CTNND2: variants seen among roughly 807,000 people sequenced by gnomAD.
CTNND2 encodes catenin delta 2.
Under a neutral mutation model 144.4 loss-of-function variants are expected in CTNND2, and 22 were observed. The observed-to-expected ratio is 0.15, with a 90% confidence interval of 0.11 to 0.22. The LOEUF (loss-of-function observed/expected upper bound fraction) is 0.22. CTNND2 is among the 10% of genes least tolerant of loss of function. The probability of loss-of-function intolerance (pLI) is 1.00; values close to 1 mark genes in which losing one functional copy is unlikely to be tolerated. For synonymous variants in CTNND2, 751 were observed against 695.6 expected (o/e 1.08, Z -1.25); for missense variants, 1,353 against 1,618.8 (o/e 0.84, Z 2.82).
intron 9 of CTNND2, among the ~76,000 whole-genome samples, chr5:11,271,602 T>C (rs1454784106): frequency 6.6e-6 from 1 of 152,200 alleles, no homozygotes; most frequent in African/African-American, 2.4e-5. Context: ...GTAATCTCAA[T>C]TGTCAGAATG....
intron 3 of CTNND2, among the ~76,000 whole-genome samples, chr5:11,467,926 T>C (rs938823329): frequency 1.3e-5 from 2 of 152,222 alleles, no homozygotes; most frequent in African/African-American, 4.8e-5. Flanking sequence ...GTTCAAAAAA[T>C]AATAGGATAA....
chr5:11,124,400 G>C (rs1339613478), intron 12 of CTNND2, among the ~76,000 whole-genome samples: 1 of 152,140 alleles, frequency 6.6e-6, no homozygotes, highest in Non-Finnish European at 1.5e-5. Context: ...TACCTGATCT[G>C]AGTAAGTGTG....
At chr5:11,413,106 G>A (rs1038676573) in intron 3 of CTNND2, among the ~76,000 whole-genome samples, 1 of 152,098 alleles carries the variant, frequency 6.6e-6, no homozygotes, top group Non-Finnish European at 1.5e-5. Context: ...TTGCCCCTGA[G>A]TCAATCAATA....
chr5:11,688,953 G>A (rs765651749), intron 2 of CTNND2, among the ~76,000 whole-genome samples: 8 of 152,146 alleles, frequency 5.3e-5, no homozygotes, highest in Non-Finnish European at 1.0e-4. Flanking sequence ...ATGACACAGC[G>A]AGGGCCACAA....
chr5:11,080,141 C>A (rs867818450), intron 16 of CTNND2, among the ~76,000 whole-genome samples: 2 of 151,906 alleles, frequency 1.3e-5, no homozygotes, highest in Non-Finnish European at 1.5e-5. Flanking sequence ...AAACAAATAA[C>A]CTGATTAAAA....
intron 9 of CTNND2, among the ~76,000 whole-genome samples, chr5:11,256,482 T>A (rs1031472595): frequency 6.6e-6 from 1 of 152,212 alleles, no homozygotes; most frequent in Non-Finnish European, 1.5e-5. Context: ...ATGCTAAGTT[T>A]AACTCATCAT....
intron 9 of CTNND2, among the ~76,000 whole-genome samples, chr5:11,253,413 T>C (rs1262527610): frequency 6.6e-6 from 1 of 152,236 alleles, no homozygotes; most frequent in African/African-American, 2.4e-5. Flanking sequence ...AATTGAATCA[T>C]GGGGCTGTTT....
chr5:11,626,139 T>A (rs1446115223), intron 2 of CTNND2, among the ~76,000 whole-genome samples: 1 of 152,124 alleles, frequency 6.6e-6, no homozygotes, highest in Admixed American at 6.6e-5. Context: ...ATGCCAGAAC[T>A]CATTTGGTCA....
At chr5:11,549,898 A>G (rs1775613917) in intron 3 of CTNND2, among the ~76,000 whole-genome samples, 1 of 152,228 alleles carries the variant, frequency 6.6e-6, no homozygotes. Flanking sequence ...TCTTTAGCTA[A>G]CTGAAGACAT....
At chr5:11,634,463 T>C (rs1274426660) in intron 2 of CTNND2, among the ~76,000 whole-genome samples, 1 of 152,158 alleles carries the variant, frequency 6.6e-6, no homozygotes, top group Non-Finnish European at 1.5e-5. Flanking sequence ...CTCAATCCCG[T>C]GCACGATTTC....
chr5:11,848,295 A>G (rs1210219422), intron 1 of CTNND2, among the ~76,000 whole-genome samples: 1 of 152,206 alleles, frequency 6.6e-6, no homozygotes, highest in Non-Finnish European at 1.5e-5. Context: ...TATTTTTATT[A>G]TAGTTAGGCA....
chr5:11,569,291 A>G (rs970417830), intron 2 of CTNND2, among the ~76,000 whole-genome samples: 2 of 152,312 alleles, frequency 1.3e-5, no homozygotes, highest in African/African-American at 4.8e-5. Context: ...CTATGTGGAA[A>G]TCAACTTATG....
intron 2 of CTNND2, among the ~76,000 whole-genome samples, chr5:11,649,560 C>T (rs2727620): frequency 0.35 from 53,491 of 151,950 alleles, 12,555 homozygotes; most frequent in African/African-American, 0.67. Context: ...CGTGATCCAC[C>T]TGCCTCAGCC....
intron 11 of CTNND2, among the ~76,000 whole-genome samples, chr5:11,165,486 A>T (rs61757192): frequency 3.3e-4 from 50 of 152,328 alleles, no homozygotes; most frequent in African/African-American, 1.2e-3. Context: ...GTTGATGGTC[A>T]CTAGAAAATT....
intron 2 of CTNND2, among the ~76,000 whole-genome samples, chr5:11,696,129 T>G (rs1236016436): frequency 6.6e-6 from 1 of 152,202 alleles, no homozygotes; most frequent in Non-Finnish European, 1.5e-5. Context: ...ATATTTGGAT[T>G]TGTGAGTAAT....
intron 2 of CTNND2, among the ~76,000 whole-genome samples, chr5:11,700,366 G>A (rs1486815311): frequency 1.3e-5 from 2 of 152,060 alleles, no homozygotes; most frequent in Non-Finnish European, 2.9e-5. Context: ...CTCCAGCCTG[G>A]GCAACAGAGT....
intron 18 of CTNND2, among the ~76,000 whole-genome samples, chr5:10,998,308 A>C (rs1251194019): frequency 6.6e-6 from 1 of 152,206 alleles, no homozygotes; most frequent in African/African-American, 2.4e-5. Flanking sequence ...CAGGGACTGC[A>C]TGCCTGTGGG....
intron 2 of CTNND2, among the ~76,000 whole-genome samples, chr5:11,701,373 T>G (rs543947876): frequency 2.0e-3 from 302 of 152,308 alleles, no homozygotes; most frequent in African/African-American, 6.9e-3. Context: ...GCATGAAGTA[T>G]AAGTAAATCC....
rs117307911 is a variant in CTNND2 at position 11,806,918 on chromosome 5, A to C, written c.38-74646T>G. On this transcript the variant is annotated intron_variant, in intron 1 of 21. Coordinates refer to ENST00000304623, the MANE Select transcript of CTNND2 (RefSeq NM_001332.4). ...TGAGGATAGACAGTGCACTGCTAGT[A>C]GTAATTACATTTGAGTGGATGGATC... 3.2e-3 allele frequency among the ~76,000 whole-genome samples: 485 copies of C among 152,246 alleles called. 14 individuals are homozygous for C. The East Asian group carries it at 0.068, about 21-fold the overall frequency.
Sources: gnomAD v4.1 joint callset for allele counts (sites outside exome capture counted in the v4.1 genomes callset) on GRCh38, gnomAD v4.1.1 for gene constraint, MANE v1.5 for transcripts, NCBI Gene and HGNC (gene_info 2026-07-23, HGNC 2026-07-21) for gene names.